Variants in NEBL observed in about 807,000 individuals in gnomAD.
NEBL encodes the protein nebulette.
A neutral mutation model predicts 140.2 loss-of-function variants in NEBL; 122 were observed. The ratio of observed to expected loss-of-function variants is 0.87; its 90% CI spans 0.75 to 1.01. NEBL has a LOEUF of 1.01. Ranked by LOEUF, NEBL falls within the 50% of genes least tolerant of loss-of-function variation. NEBL has a pLI of 0.00. For missense variants in NEBL, 1,365 were observed against 1,231.3 expected, an observed-to-expected ratio of 1.11 and a Z score of -1.62; for synonymous variants, 436 against 398.9, an observed-to-expected ratio of 1.09 and a Z score of -1.11.
intron 3 of NEBL, among the ~76,000 whole-genome samples, chr10:21,180,099 T>C (rs1037297214): frequency 3.3e-5 from 5 of 151,576 alleles, no homozygotes; most frequent in African/African-American, 9.7e-5. Context: ...ATTGTGCCAC[T>C]GTACTTCAGA....
At chr10:20,969,456 G>T in intron 3 of NEBL, among the ~76,000 whole-genome samples, 1 of 143,132 alleles carries the variant, frequency 7.0e-6, no homozygotes, top group African/African-American at 2.8e-5. Flanking sequence ...ACCAGATTTG[G>T]GGTTCTTTTA....
chr10:21,186,788 C>A (rs185421562), intron 3 of NEBL, among the ~76,000 whole-genome samples: 2 of 151,836 alleles, frequency 1.3e-5, no homozygotes, highest in African/African-American at 4.8e-5. Flanking sequence ...TGCTTTAAAT[C>A]ATCTCTAGGC....
At chr10:21,278,324 A>C (rs1256851100) in intron 1 of NEBL, among the ~76,000 whole-genome samples, 3 of 152,120 alleles carry the variant, frequency 2.0e-5, no homozygotes, top group Non-Finnish European at 4.4e-5. Flanking sequence ...TGCACCTATC[A>C]TCCCAGCTAC....
intron 2 of NEBL, among the ~76,000 whole-genome samples, chr10:21,068,863 C>A (rs1835684209): frequency 6.6e-6 from 1 of 152,118 alleles, no homozygotes; most frequent in African/African-American, 2.4e-5. Flanking sequence ...TACATTGTCT[C>A]ATCTTCATCA....
chr10:21,141,078 G>A (rs1042845448), intron 2 of NEBL, among the ~76,000 whole-genome samples: 1 of 142,892 alleles, frequency 7.0e-6, no homozygotes, highest in Non-Finnish European at 1.5e-5. Flanking sequence ...AAAAAAACCT[G>A]CTCTATGCTC....
intron 2 of NEBL, 101 bp from the exon 3 acceptor site, chr10:20,890,050 A>G: frequency 1.3e-6 from 1 of 771,276 alleles, no homozygotes; most frequent in Non-Finnish European, 2.2e-6. Context: ...TTACTGAAGT[A>G]AATACTCAAG....
chr10:20,819,696 T>C (rs533473966), intron 19 of NEBL, among the ~76,000 whole-genome samples, 180 bp from the exon 20 acceptor site: 1 of 152,206 alleles, frequency 6.6e-6, no homozygotes, highest in South Asian at 2.1e-4. Flanking sequence ...GATGCCAGTC[T>C]TTTCCTTGTC....
rs148987327 is a variant in NEBL at position 21,208,023 on chromosome 10, G to C, written n.349-35546C>G. Among the ~76,000 whole-genome samples, 355 of 152,324 alleles carry C rather than the reference G, an allele frequency of 2.3e-3. 2 individuals are homozygous for C. Among genetic ancestry groups the C allele is most frequent in the Non-Finnish European group, 2.9e-3 (199 of 68,030 alleles). On this transcript the variant is annotated intron_variant and non_coding_transcript_variant, in intron 3 of 8. Coordinates refer to the NEBL transcript ENST00000675702. ...ACAAACCAACTACACTGAGACAGCAGAGTTTGCAGCAGAGAAAGAGTTTAA... is the reference window on the plus strand; with the variant it reads ...ACAAACCAACTACACTGAGACAGCACAGTTTGCAGCAGAGAAAGAGTTTAA...
At chr10:21,091,335 A>C (rs1836901398) in intron 2 of NEBL, among the ~76,000 whole-genome samples, 1 of 152,218 alleles carries the variant, frequency 6.6e-6, no homozygotes, top group African/African-American at 2.4e-5. Flanking sequence ...TTCCTCAAAA[A>C]TCTTAAGAGT....
intron 2 of NEBL, among the ~76,000 whole-genome samples, chr10:21,099,292 C>T (rs540059529): frequency 1.3e-5 from 2 of 152,270 alleles, no homozygotes; most frequent in South Asian, 4.1e-4. Flanking sequence ...ACCTCACACA[C>T]TGAGTAGCCC....
intron 3 of NEBL, among the ~76,000 whole-genome samples, chr10:21,229,200 C>A (rs952608674): frequency 2.0e-5 from 3 of 152,302 alleles, no homozygotes; most frequent in Middle Eastern, 3.4e-3. Flanking sequence ...GCGGGCAGAT[C>A]ACTTGAGCCC....
intron 5 of NEBL, among the ~76,000 whole-genome samples, chr10:20,875,478 G>T (rs1398377271): frequency 6.6e-6 from 1 of 152,200 alleles, no homozygotes; most frequent in African/African-American, 2.4e-5. Context: ...ATGTGAAATA[G>T]ACATCTTTAT....
chr10:20,820,476 G>T (rs986325566), intron 19 of NEBL, among the ~76,000 whole-genome samples: 3 of 152,194 alleles, frequency 2.0e-5, no homozygotes, highest in Non-Finnish European at 4.4e-5. Flanking sequence ...TAAAGCTCAG[G>T]TTAGGGAATT....
At chr10:20,877,720 T>C (rs1845638780) in intron 5 of NEBL, among the ~76,000 whole-genome samples, 1 of 152,108 alleles carries the variant, frequency 6.6e-6, no homozygotes, top group South Asian at 2.1e-4. Context: ...ATAATATAAT[T>C]AGGGCGGAGC....
intron 4 of NEBL, among the ~76,000 whole-genome samples, chr10:20,915,754 C>T (rs1848527221): frequency 6.6e-6 from 1 of 152,042 alleles, no homozygotes; most frequent in Non-Finnish European, 1.5e-5. Flanking sequence ...GATTTATAGT[C>T]CTTTGGGTAT....
intron 2 of NEBL, among the ~76,000 whole-genome samples, chr10:21,143,086 CAT>C (rs1201123781): frequency 6.6e-6 from 1 of 152,078 alleles, no homozygotes; most frequent in Non-Finnish European, 1.5e-5. Context: ...CAACTAAGTA[CAT>C]GTTATATGCA....
At chr10:21,135,502 G>A (rs1414522993) in intron 2 of NEBL, among the ~76,000 whole-genome samples, 1 of 152,090 alleles carries the variant, frequency 6.6e-6, no homozygotes, top group African/African-American at 2.4e-5. Context: ...GCACTGAGGA[G>A]TTACTTCTCA....
At chr10:20,907,905 G>A (rs902189299) in intron 4 of NEBL, among the ~76,000 whole-genome samples, 1 of 152,148 alleles carries the variant, frequency 6.6e-6, no homozygotes, top group African/African-American at 2.4e-5. Context: ...TAAAAATACT[G>A]TTGTGCAGAA....
chr10:20,956,736 A>G lies in NEBL; in HGVS notation c.357+4936T>C, dbSNP rs558757246. 1.4e-4 allele frequency among the ~76,000 whole-genome samples: 22 copies of G among 152,332 alleles called. No homozygotes were observed. In the South Asian group the frequency reaches 3.9e-3, roughly 27 times the overall value. ...CAAAATTAACAAATAATGTATTTCA[A>G]TGAATGACTTTATAATTTTTACCTT... On this transcript the variant is annotated intron_variant, in intron 4 of 6. Coordinates refer to the NEBL transcript ENST00000417816.
Sources: gnomAD v4.1 joint callset for allele counts (sites outside exome capture counted in the v4.1 genomes callset) on GRCh38, gnomAD v4.1.1 for gene constraint, MANE v1.5 for transcripts, NCBI Gene and HGNC (gene_info 2026-07-23, HGNC 2026-07-21) for gene names.